The following ROBO2 variants were observed in gnomAD, a reference collection of about 807,000 sequenced individuals.
The protein encoded by ROBO2 is roundabout guidance receptor 2.
ROBO2 carries 53 observed loss-of-function variants against 160.8 expected under a neutral mutation model. The observed-to-expected ratio is 0.33, with a 90% CI of 0.26 to 0.41. The LOEUF is 0.41. Ranked by LOEUF, ROBO2 falls within the 10% of genes least tolerant of loss-of-function variation. ROBO2 has a pLI of 1.00. For missense variants in ROBO2, 1,577 were observed against 1,722.4 expected (o/e 0.92, Z 1.49); for synonymous variants, 664 against 611.7 (o/e 1.09, Z -1.26).
At chr3:77,060,298 C>T (rs539413196) in intron 1 of ROBO2, among the ~76,000 whole-genome samples, 1 of 152,184 alleles carries the variant, frequency 6.6e-6, no homozygotes, top group South Asian at 2.1e-4. Flanking sequence ...CAGAGGAGTT[C>T]TTGTTCTTAG....
At chr3:76,033,601 T>C (rs1334584500) in intron 2 of ROBO2, among the ~76,000 whole-genome samples, 1 of 152,238 alleles carries the variant, frequency 6.6e-6, no homozygotes, top group Admixed American at 6.5e-5. Context: ...TATGTTGCTA[T>C]GTAATAAACC....
At position 76,420,190 on chromosome 3, in the gene ROBO2, A is replaced by G. The variant is rs926964197; in HGVS notation, c.109+482588A>G. On this transcript the variant is annotated intron_variant, in intron 2 of 26. Coordinates refer to the ROBO2 transcript ENST00000487694. ...GAATATTATCATTACACTATTTTCT[A>G]TTTTTGTAGAGATGTGGTCTCCCTA... Among the ~76,000 whole-genome samples the G allele has an allele frequency of 9.2e-5, 14 of 152,066 alleles. No homozygotes were observed. In the East Asian group the frequency reaches 2.7e-3, roughly 29 times the overall value.
intron 2 of ROBO2, among the ~76,000 whole-genome samples, chr3:76,070,124 G>C: frequency 6.6e-6 from 1 of 152,080 alleles, no homozygotes; most frequent in African/African-American, 2.4e-5. Context: ...TATGAAATCT[G>C]GGTACCTTGA....
intron 2 of ROBO2, among the ~76,000 whole-genome samples, chr3:76,580,347 T>C: frequency 6.8e-6 from 1 of 147,694 alleles, no homozygotes; most frequent in Non-Finnish European, 1.5e-5. Context: ...TTTGTGTTTT[T>C]TTTTTTGTTT....
chr3:77,222,528 T>C (rs2085960442), intron 2 of ROBO2, among the ~76,000 whole-genome samples: 1 of 152,170 alleles, frequency 6.6e-6, no homozygotes, highest in African/African-American at 2.4e-5. Context: ...AACTTGCAAG[T>C]AAGAGTGAAT....
At chr3:76,719,311 A>T in intron 2 of ROBO2, among the ~76,000 whole-genome samples, 1 of 152,178 alleles carries the variant, frequency 6.6e-6, no homozygotes, top group East Asian at 1.9e-4. Flanking sequence ...CATCATAACA[A>T]TATTCATGTT....
chr3:76,555,399 G>GAAC (rs1211756593), intron 2 of ROBO2, among the ~76,000 whole-genome samples: 1 of 70,968 alleles, frequency 1.4e-5, no homozygotes. Flanking sequence ...AGAAGAAGAA[G>GAAC]AAGAAGAAGA....
intron 2 of ROBO2, among the ~76,000 whole-genome samples, chr3:76,144,936 T>C (rs2071827816): frequency 6.6e-6 from 1 of 152,022 alleles, no homozygotes. Context: ...TAGTGCATTT[T>C]GACTTGGTGA....
chr3:76,016,540 C>G (rs1298450786), intron 2 of ROBO2, among the ~76,000 whole-genome samples: 1 of 150,880 alleles, frequency 6.6e-6, no homozygotes, highest in East Asian at 1.9e-4. Flanking sequence ...AAATAAGGAA[C>G]CTGGGGAAAG....
chr3:76,569,749 A>G (rs2084846615), intron 2 of ROBO2, among the ~76,000 whole-genome samples: 1 of 152,122 alleles, frequency 6.6e-6, no homozygotes, highest in Non-Finnish European at 1.5e-5. Context: ...TCCAACTACC[A>G]TTATAGCCAC....
intron 2 of ROBO2, among the ~76,000 whole-genome samples, chr3:76,106,999 C>A (rs1303913733): frequency 1.3e-5 from 2 of 152,004 alleles, no homozygotes; most frequent in Non-Finnish European, 2.9e-5. Flanking sequence ...TGTACATATT[C>A]ATCATTGTAA....
chr3:77,008,781 T>C (rs910312045), intron 2 of ROBO2, among the ~76,000 whole-genome samples: 3 of 152,100 alleles, frequency 2.0e-5, no homozygotes, highest in Admixed American at 1.3e-4. Context: ...GAACAAAACA[T>C]AGAATACACA....
chr3:76,692,778 T>C (rs980885121), intron 2 of ROBO2, among the ~76,000 whole-genome samples: 3 of 152,012 alleles, frequency 2.0e-5, no homozygotes, highest in Non-Finnish European at 4.4e-5. Flanking sequence ...AAGTCACTTT[T>C]GGGGGTATTT....
At chr3:76,028,572 A>G (rs545410692) in intron 2 of ROBO2, among the ~76,000 whole-genome samples, 5 of 151,998 alleles carry the variant, frequency 3.3e-5, no homozygotes, top group South Asian at 2.1e-4. Context: ...GAAAATCTCC[A>G]AAGAACTAGG....
chr3:76,977,549 A>C (rs2059874438), intron 2 of ROBO2, among the ~76,000 whole-genome samples: 1 of 152,180 alleles, frequency 6.6e-6, no homozygotes, highest in Admixed American at 6.6e-5. Context: ...AACTTGGTTG[A>C]GTATTTAGAA....
intron 2 of ROBO2, among the ~76,000 whole-genome samples, chr3:76,822,278 C>A (rs1402510915): frequency 6.6e-6 from 1 of 151,894 alleles, no homozygotes; most frequent in Non-Finnish European, 1.5e-5. Context: ...TTGATAAATT[C>A]CTGGTTCCTA....
chr3:76,335,027 T>TA (rs989521614), intron 2 of ROBO2, among the ~76,000 whole-genome samples: 1 of 151,738 alleles, frequency 6.6e-6, no homozygotes, highest in Non-Finnish European at 1.5e-5. Context: ...GACTTTGCTT[T>TA]AAAAAAAAAT....
At chr3:76,577,668 A>G (rs1247161018) in intron 2 of ROBO2, among the ~76,000 whole-genome samples, 3 of 152,144 alleles carry the variant, frequency 2.0e-5, no homozygotes, top group Non-Finnish European at 4.4e-5. Context: ...TTCTAGGGGA[A>G]CTGGGGAAGA....
chr3:76,329,367 A>T (rs1299752296), intron 2 of ROBO2, among the ~76,000 whole-genome samples: 1 of 152,034 alleles, frequency 6.6e-6, no homozygotes, highest in Non-Finnish European at 1.5e-5. Flanking sequence ...GCAGGTGTGG[A>T]CCACCACACC....
Sources: gnomAD v4.1 joint callset for allele counts (sites outside exome capture counted in the v4.1 genomes callset) on GRCh38, gnomAD v4.1.1 for gene constraint, MANE v1.5 for transcripts, NCBI Gene and HGNC (gene_info 2026-07-23, HGNC 2026-07-21) for gene names.